Variants in CDCP1 observed in about 807,000 individuals in gnomAD.
The protein encoded by CDCP1 is CUB domain-containing protein 1.
CDCP1 carries 29 observed loss-of-function variants against 60.2 expected under a neutral mutation model. The ratio of observed to expected loss-of-function variants is 0.48; its 90% CI spans 0.36 to 0.66. The LOEUF (loss-of-function observed/expected upper bound fraction) is 0.66. CDCP1 is among the 30% of genes least tolerant of loss of function. The pLI is 0.00. For missense variants in CDCP1, 876 were observed against 1,074.3 expected, an observed-to-expected ratio of 0.82 and a Z score of 2.58; for synonymous variants, 387 against 431.1, an observed-to-expected ratio of 0.90 and a Z score of 1.27.
At chr3:45,114,714 A>G (rs1428738560) in intron 2 of CDCP1, among the ~76,000 whole-genome samples, 2 of 152,204 alleles carry the variant, frequency 1.3e-5, no homozygotes, top group Non-Finnish European at 2.9e-5. Context: ...TGCTCAGCCA[A>G]CTTTCATTAG....
chr3:45,093,399 C>G lies in CDCP1; in HGVS notation c.1505G>C (p.Gly502Ala), dbSNP rs757793970. 6.2e-7 allele frequency: 1 copy of G among 1,614,014 alleles called. No individual in the cohort carries two copies. The highest frequency in any genetic ancestry group is 8.5e-7 in the Non-Finnish European group (1 of 1,180,026). The change falls in exon 6 of 9, where the codon GGC becomes GCC. Residue 502 changes from glycine to alanine, a missense_variant. Coordinates refer to ENST00000296129, the MANE Select transcript of CDCP1 (RefSeq NM_022842.5). ...CTTCACCTGGATCTGCTTGATAGAG[C>G]CTCCCGGGCAGAAGGAGCCGAAGTA... ...DLYFGSFCPG[G>A]SIKQIQVKQN...
At position 45,090,479 on chromosome 3, in the gene CDCP1, T is replaced by G. The variant is rs147312549; in HGVS notation, c.1993+694A>C. 2.0e-3 allele frequency among the ~76,000 whole-genome samples: 307 copies of G among 152,364 alleles called. 1 individual carries two copies. The highest frequency in any genetic ancestry group is 6.9e-3 in the African/African-American group (286 of 41,586). ...AAAAACCATGTACCTGTCAGACTTT[T>G]CAGGTCCCCATATTTTAATTCATGA... On this transcript the variant is annotated intron_variant, in intron 7 of 8. Coordinates refer to ENST00000296129, the MANE Select transcript of CDCP1 (RefSeq NM_022842.5).
At chr3:45,112,661 G>A (rs1698720184) in intron 2 of CDCP1, among the ~76,000 whole-genome samples, 1 of 152,228 alleles carries the variant, frequency 6.6e-6, no homozygotes, top group Non-Finnish European at 1.5e-5. Context: ...GCTCGGGGGA[G>A]CTGCCTTGAA....
rs758945186 is a variant in CDCP1 at position 45,085,995 on chromosome 3, C to A, written c.2154G>T (p.Gln718His). Reference protein sequence around the residue: ...NDNINTEMPRQPKKFQKGRKD... With the variant: ...NDNINTEMPRHPKKFQKGRKD... ...TTCGCCCTTTCTGAAACTTTTTTGG[C>A]TGCCTCGGCATCTCAGTATTGATGT... The change falls in exon 9 of 9, where the codon CAG becomes CAT. Residue 718 changes from glutamine to histidine, a missense_variant. Gln to His is a conservative substitution (Grantham distance 24, BLOSUM62 0). This residue lies in a region of CDCP1 where 726 missense variants were observed against 935.7 expected (regional missense o/e 0.78). Transcript: ENST00000296129. This position sits in a 1 kb window ranked among gnomAD's most constrained non-coding sequence, Gnocchi z 4.2. The A allele has an allele frequency of 1.2e-6, 2 of 1,614,198 alleles. No homozygotes were observed. Among genetic ancestry groups the A allele is most frequent in the South Asian group, 1.1e-5 (1 of 91,084 alleles).
chr3:45,085,967 C>T lies in CDCP1; in HGVS notation c.2182G>A (p.Asp728Asn). The stretch of plus-strand genomic sequence containing the variant: ...ACTGCATACACATGGGAGTCATTGT[C>T]CTTTCGCCCTTTCTGAAACTTTTTT... ...QPKKFQKGRK[D>N]NDSHVYAVIE... Residue 728 changes from aspartate to asparagine, a missense_variant, in exon 9 of 9, where the codon GAC (aspartate) becomes AAC (asparagine). Transcript: ENST00000296129. The surrounding 1 kb of genome is among the most constrained non-coding windows in gnomAD (Gnocchi z 4.2). 1 of 1,614,178 alleles carries T rather than the reference C, an allele frequency of 6.2e-7. No homozygotes were observed. Among genetic ancestry groups the T allele is most frequent in the Non-Finnish European group, 8.5e-7 (1 of 1,180,038 alleles).
intron 1 of CDCP1, among the ~76,000 whole-genome samples, chr3:45,127,980 C>T (rs544931324): frequency 1.2e-3 from 182 of 152,322 alleles, no homozygotes; most frequent in African/African-American, 4.0e-3. Context: ...CATTCCCCAA[C>T]CCCAACGGCA....
chr3:45,146,111 C>G, intron 1 of CDCP1, 95 bp downstream of exon 1: 1 of 1,182,874 alleles, frequency 8.5e-7, no homozygotes. Context: ...CCGCACCCTC[C>G]GCACCCTGCG....
chr3:45,089,418 A>G (rs1698254758), intron 7 of CDCP1, among the ~76,000 whole-genome samples: 1 of 152,214 alleles, frequency 6.6e-6, no homozygotes, highest in East Asian at 1.9e-4. Flanking sequence ...GCCAGCTACT[A>G]TGTAAGAAGT....
At chr3:45,138,439 T>C (rs1194162644) in intron 1 of CDCP1, among the ~76,000 whole-genome samples, 1 of 152,260 alleles carries the variant, frequency 6.6e-6, no homozygotes, top group Non-Finnish European at 1.5e-5. Flanking sequence ...CCAGGTTGTC[T>C]GCCTATTGAA....
At chr3:45,139,156 C>A (rs1202351385) in intron 1 of CDCP1, among the ~76,000 whole-genome samples, 1 of 152,178 alleles carries the variant, frequency 6.6e-6, no homozygotes, top group African/African-American at 2.4e-5. Context: ...TAGGCCCCAC[C>A]TCCAGCACTG....
intron 8 of CDCP1, among the ~76,000 whole-genome samples, chr3:45,087,507 C>T (rs1559773189): frequency 1.3e-5 from 2 of 152,196 alleles, no homozygotes; most frequent in African/African-American, 2.4e-5. Context: ...TGGGCTATTC[C>T]GTGCACCGCA....
upstream of CDCP1, chr3:45,146,411 C>G (rs112770106): frequency 1.4e-6 from 1 of 732,300 alleles, no homozygotes; most frequent in Non-Finnish European, 2.1e-6. Flanking sequence ...CGGACCGGCC[C>G]GAGCCCCGCC....
intron 4 of CDCP1, among the ~76,000 whole-genome samples, chr3:45,105,285 T>C (rs1376308328): frequency 6.6e-6 from 1 of 152,140 alleles, no homozygotes. Context: ...AAGGCCATAA[T>C]ACCTATCAGC....
chr3:45,145,776 G>A (rs1699372830), intron 1 of CDCP1, among the ~76,000 whole-genome samples: 1 of 152,176 alleles, frequency 6.6e-6, no homozygotes, highest in Non-Finnish European at 1.5e-5. Flanking sequence ...GCCTGGAGAG[G>A]AAAGATCTCT....
At chr3:45,109,565 A>T (rs1275828287) in intron 4 of CDCP1, among the ~76,000 whole-genome samples, 1 of 152,096 alleles carries the variant, frequency 6.6e-6, no homozygotes, top group Non-Finnish European at 1.5e-5. Context: ...CACATCATGC[A>T]TGAGGCCCAG....
chr3:45,114,046 T>C (rs540314940), intron 2 of CDCP1, among the ~76,000 whole-genome samples: 21 of 152,322 alleles, frequency 1.4e-4, no homozygotes, highest in African/African-American at 4.8e-4. Flanking sequence ...ACAACTCACC[T>C]GCAGGCCGTT....
Position 45,118,619 on chromosome 3 carries a change from C to A in CDCP1, c.85G>T (p.Ala29Ser). The change falls in exon 2 of 9, where the codon GCT (alanine) becomes TCT (serine). Residue 29 changes from alanine to serine, a missense_variant and splice_region_variant. This residue lies in a region of CDCP1 where 150 missense variants were observed against 138.6 expected (regional missense o/e 1.08). Coordinates refer to ENST00000296129, the MANE Select transcript of CDCP1 (RefSeq NM_022842.5). The stretch of plus-strand genomic sequence containing the variant: ...TCTCGTGGCAGAGCAATCTCAAAAG[C>A]TTCTGAAGGAAGGAAGGAAAATGAA... ...GAARLPRGAE[A>S]FEIALPRESN... The A allele has an allele frequency of 1.2e-6, 2 of 1,613,676 alleles. No individual in the cohort carries two copies. Among genetic ancestry groups the A allele is most frequent in the Non-Finnish European group, 1.7e-6 (2 of 1,179,918 alleles).
rs973067442 is a variant in CDCP1 at position 45,082,720 on chromosome 3, C to T, written c.*2918G>A. On this transcript the variant is annotated 3_prime_UTR_variant, in exon 9 of 9. Coordinates refer to ENST00000296129, the MANE Select transcript of CDCP1 (RefSeq NM_022842.5). ...GAGACCTTTCCCTTCTGTGCAATGACCACAGCATTAGAGACCAGTCCTGCA... is the reference window on the plus strand; with the variant it reads ...GAGACCTTTCCCTTCTGTGCAATGATCACAGCATTAGAGACCAGTCCTGCA... 11 of 152,220 alleles carry T rather than the reference C, an allele frequency of 7.2e-5. No individual in the cohort carries two copies. The highest frequency in any genetic ancestry group is 2.7e-4 in the African/African-American group (11 of 41,444). 9.4% of individuals were successfully genotyped at this position (152,220 alleles called of 1,614,324 possible).
At chr3:45,137,652 CAAAAA>C (rs55725243) in intron 1 of CDCP1, among the ~76,000 whole-genome samples, 2 of 118,160 alleles carry the variant, frequency 1.7e-5, no homozygotes, top group Non-Finnish European at 3.4e-5. Context: ...ATTAAAAATA[CAAAAA>C]AAAAAAAAAA....
Sources: allele counts gnomAD v4.1 joint callset (sites outside exome capture counted in the v4.1 genomes callset), GRCh38; gene constraint gnomAD v4.1.1; regional missense constraint gnomAD v4.1.1; non-coding constraint Gnocchi (gnomAD v3.1); transcripts MANE v1.5; gene names NCBI Gene and HGNC (gene_info 2026-07-23, HGNC 2026-07-21).